Variants in NCKAP5 observed in about 807,000 individuals in gnomAD.
The protein encoded by NCKAP5 is nck-associated protein 5.
NCKAP5 carries 92 observed loss-of-function variants against 167.0 expected under a neutral mutation model. The observed-to-expected ratio is 0.55, with a 90% confidence interval of 0.47 to 0.66. The LOEUF (loss-of-function observed/expected upper bound fraction) is 0.66. Ranked by LOEUF, NCKAP5 falls within the 30% of genes least tolerant of loss-of-function variation. The pLI is 0.00. For synonymous variants in NCKAP5, 891 were observed against 877.4 expected, an observed-to-expected ratio of 1.02 and a Z score of -0.27; for missense variants, 2,378 against 2,315.0, an observed-to-expected ratio of 1.03 and a Z score of -0.56.
intron 4 of NCKAP5, among the ~76,000 whole-genome samples, chr2:133,237,483 T>A (rs1448571116): frequency 6.6e-6 from 1 of 152,214 alleles, no homozygotes; most frequent in East Asian, 1.9e-4. Context: ...CATTTACATA[T>A]GACTTTATTT....
chr2:133,024,462 TTTTA>T (rs1289013641), intron 6 of NCKAP5, among the ~76,000 whole-genome samples: 2 of 152,224 alleles, frequency 1.3e-5, no homozygotes, highest in African/African-American at 4.8e-5. Context: ...AACTATGGCA[TTTTA>T]TTTAATTCTG....
chr2:132,873,665 A>G (rs1681240358), intron 9 of NCKAP5, among the ~76,000 whole-genome samples: 1 of 152,254 alleles, frequency 6.6e-6, no homozygotes, highest in African/African-American at 2.4e-5. Context: ...TGCCTAATCC[A>G]AAGCCCATGA....
intron 3 of NCKAP5, among the ~76,000 whole-genome samples, chr2:133,330,242 G>GTTT (rs1215899337): frequency 1.6e-5 from 1 of 62,534 alleles, no homozygotes. Flanking sequence ...TTTATTTTTT[G>GTTT]TATTTTTTTT....
At chr2:132,941,548 T>C (rs1020083794) in intron 8 of NCKAP5, among the ~76,000 whole-genome samples, 1 of 152,126 alleles carries the variant, frequency 6.6e-6, no homozygotes, top group Non-Finnish European at 1.5e-5. Context: ...GTGACCCTTT[T>C]TACTATCTGG....
intron 3 of NCKAP5, among the ~76,000 whole-genome samples, chr2:133,384,788 A>G (rs911347760): frequency 3.3e-5 from 5 of 152,086 alleles, no homozygotes; most frequent in African/African-American, 7.2e-5. Flanking sequence ...TTGGATTCCT[A>G]GGTATTTTAT....
At chr2:133,161,931 A>G (rs1433337430) in intron 5 of NCKAP5, among the ~76,000 whole-genome samples, 6 of 152,210 alleles carry the variant, frequency 3.9e-5, no homozygotes, top group African/African-American at 1.4e-4. Flanking sequence ...AACCAGGGAG[A>G]AAAGTACAGA....
the NCKAP5 span, among the ~76,000 whole-genome samples, chr2:133,648,109 G>T: frequency 2.5e-3 from 380 of 151,908 alleles, 1 homozygote; most frequent in Non-Finnish European, 3.6e-3. Context: ...AAGTCAAAAT[G>T]GACTTTAACT....
At chr2:133,410,354 C>A (rs144660271) in intron 3 of NCKAP5, among the ~76,000 whole-genome samples, 1 of 152,158 alleles carries the variant, frequency 6.6e-6, no homozygotes, top group African/African-American at 2.4e-5. Context: ...TTATTCATCA[C>A]GCGGTTTTCA....
At chr2:133,453,906 GC>G (rs560942724) in intron 3 of NCKAP5, among the ~76,000 whole-genome samples, 1 of 151,780 alleles carries the variant, frequency 6.6e-6, no homozygotes, top group African/African-American at 2.4e-5. Flanking sequence ...CCAGTTTTGA[GC>G]CCCCCCACCA....
chr2:133,208,221 T>C (rs1398969525), intron 5 of NCKAP5, among the ~76,000 whole-genome samples: 1 of 151,922 alleles, frequency 6.6e-6, no homozygotes, highest in Non-Finnish European at 1.5e-5. Flanking sequence ...CACCTGTAGT[T>C]CCAATTACTC....
At chr2:133,406,946 GCA>G (rs5834358) in intron 3 of NCKAP5, among the ~76,000 whole-genome samples, 26,449 of 152,140 alleles carry the variant, frequency 0.17, 2,364 homozygotes, top group Non-Finnish European at 0.2. Context: ...TCACTGGTTA[GCA>G]CAGTTTTTAA....
intron 5 of NCKAP5, among the ~76,000 whole-genome samples, chr2:133,136,294 C>T (rs114112911): frequency 2.2e-3 from 339 of 152,232 alleles, no homozygotes; most frequent in African/African-American, 7.9e-3. Flanking sequence ...TGGTGATTCT[C>T]ATTATATCAG....
intron 4 of NCKAP5, among the ~76,000 whole-genome samples, chr2:133,297,203 G>GTC (rs1165083233): frequency 7.1e-6 from 1 of 140,648 alleles, no homozygotes; most frequent in Admixed American, 7.0e-5. Flanking sequence ...GTGTGTGTGT[G>GTC]TGTGTGTTTT....
intron 3 of NCKAP5, among the ~76,000 whole-genome samples, chr2:133,347,459 A>C (rs1684056578): frequency 6.6e-6 from 1 of 152,266 alleles, no homozygotes; most frequent in African/African-American, 2.4e-5. Context: ...AGGCTGAGGC[A>C]GGAAAATTGC....
intron 19 of NCKAP5, among the ~76,000 whole-genome samples, chr2:132,676,045 T>C (rs1426721211): frequency 6.6e-6 from 1 of 152,230 alleles, no homozygotes; most frequent in African/African-American, 2.4e-5. Context: ...CTCAGGAGTA[T>C]GTGCTGGATC....
chr2:133,463,101 T>C (rs957953648), intron 3 of NCKAP5, among the ~76,000 whole-genome samples: 4 of 152,242 alleles, frequency 2.6e-5, no homozygotes, highest in African/African-American at 7.2e-5. Context: ...CTTGGTACCA[T>C]AATATTATTA....
At chr2:133,042,302 TC>T (rs1316958511) in intron 6 of NCKAP5, among the ~76,000 whole-genome samples, 3 of 152,102 alleles carry the variant, frequency 2.0e-5, no homozygotes, top group Non-Finnish European at 2.9e-5. Flanking sequence ...ATTCAGTACT[TC>T]CTTGGTGCCT....
At chr2:132,759,225 T>C (rs1680803197) in intron 16 of NCKAP5, among the ~76,000 whole-genome samples, 1 of 152,202 alleles carries the variant, frequency 6.6e-6, no homozygotes, top group Non-Finnish European at 1.5e-5. Flanking sequence ...TATAGGTATT[T>C]CAAAATTTGT....
At chr2:133,598,289 C>A in the NCKAP5 span, among the ~76,000 whole-genome samples, 3 of 152,180 alleles carry the variant, frequency 2.0e-5, no homozygotes, top group Admixed American at 6.5e-5. Flanking sequence ...CATCTTCAAC[C>A]AGTCACATAA....
Sources: gnomAD v4.1 joint callset for allele counts (sites outside exome capture counted in the v4.1 genomes callset) on GRCh38, gnomAD v4.1.1 for gene constraint, MANE v1.5 for transcripts, NCBI Gene and HGNC (gene_info 2026-07-23, HGNC 2026-07-21) for gene names.